TOX: variants seen among roughly 807,000 people sequenced by gnomAD.
The protein encoded by TOX is thymocyte selection associated high mobility group box, also known as thymocyte selection-associated high mobility group box protein TOX.
Under a neutral mutation model 53.7 loss-of-function variants are expected in TOX, and 11 were observed. The ratio of observed to expected loss-of-function variants is 0.20; its 90% confidence interval spans 0.13 to 0.34. The LOEUF (loss-of-function observed/expected upper bound fraction) is 0.34. Ranked by LOEUF, TOX falls within the 10% of genes least tolerant of loss-of-function variation. The pLI is 1.00. For missense variants in TOX, 570 were observed against 664.6 expected, an observed-to-expected ratio of 0.86 and a Z score of 1.56; for synonymous variants, 225 against 245.3, an observed-to-expected ratio of 0.92 and a Z score of 0.77.
In TOX at chr8:58,839,329, A is replaced by G. The variant is rs1810604382; in HGVS notation, c.694-1018T>C. Among the ~76,000 whole-genome samples the G allele has an allele frequency of 2.0e-5, 3 of 152,224 alleles. No homozygotes were observed. The South Asian group carries it at 6.2e-4, about 32-fold the overall frequency. ...AAATTTAAATAGCTACATATGACTAATGGCTACCATATCGGAGAGTGCACC... is the reference window on the plus strand; with the variant it reads ...AAATTTAAATAGCTACATATGACTAGTGGCTACCATATCGGAGAGTGCACC... On this transcript the variant is annotated intron_variant, in intron 4 of 8. Transcript: ENST00000361421.
intron 1 of TOX, among the ~76,000 whole-genome samples, chr8:59,001,012 T>C (rs542610211): frequency 6.6e-6 from 1 of 152,292 alleles, no homozygotes; most frequent in African/African-American, 2.4e-5. Flanking sequence ...TAATATGGAC[T>C]CATAAAAGAA....
At position 58,939,334 on chromosome 8, in the gene TOX, C is replaced by G; in HGVS notation, c.379G>C (p.Asp127His). 6.2e-7 allele frequency: 1 copy of G among 1,614,068 alleles called. No individual in the cohort carries two copies. Residue 127 changes from aspartate (D) to histidine (H), a missense_variant, in exon 3 of 9, where the codon GAT becomes CAT. Asp to His is a moderately conservative substitution (Grantham distance 81). This residue lies in a region of TOX where 282 missense variants were observed against 315.0 expected (regional missense o/e 0.90). Transcript: ENST00000361421. Reference sequence around the variant, plus strand: ...ATGGAATTAGAAAGCAGTGTTCCATCCTGGCCCAGCATATTGGAGACTGTG... The same window carrying G: ...ATGGAATTAGAAAGCAGTGTTCCATGCTGGCCCAGCATATTGGAGACTGTG... ...EITVSNMLGQ[D>H]GTLLSNSISV... is the part of the protein sequence containing the mutation.
chr8:59,103,335 AT>A (rs1804839822), intron 1 of TOX, among the ~76,000 whole-genome samples: 1 of 152,198 alleles, frequency 6.6e-6, no homozygotes, highest in African/African-American at 2.4e-5. Flanking sequence ...CCTCAACTCT[AT>A]TTTTTAATAA....
intron 1 of TOX, among the ~76,000 whole-genome samples, chr8:59,031,288 A>G (rs1814351194): frequency 1.3e-5 from 2 of 152,200 alleles, no homozygotes. Flanking sequence ...TACTTCATTG[A>G]GCTTGAAAAC....
At chr8:59,008,528 C>T (rs985294754) in intron 1 of TOX, among the ~76,000 whole-genome samples, 3 of 152,230 alleles carry the variant, frequency 2.0e-5, no homozygotes, top group Non-Finnish European at 2.9e-5. Context: ...TGGCAGGCCA[C>T]ACAGAGACTG....
chr8:59,052,136 T>G (rs1263019312), intron 1 of TOX, among the ~76,000 whole-genome samples: 3 of 152,220 alleles, frequency 2.0e-5, no homozygotes, highest in Non-Finnish European at 4.4e-5. Flanking sequence ...ACTTTTCTCT[T>G]ACCTACTTTT....
chr8:59,099,154 T>C (rs1563446220), intron 1 of TOX, among the ~76,000 whole-genome samples: 2 of 152,190 alleles, frequency 1.3e-5, no homozygotes, highest in African/African-American at 4.8e-5. Context: ...CCTCTTGATA[T>C]TGTGGAGTTT....
In TOX at chr8:59,051,546, T is replaced by C. The variant is rs1483194546; in HGVS notation, c.102+67340A>G. Among the ~76,000 whole-genome samples, 3 of 152,150 alleles carry C rather than the reference T, an allele frequency of 2.0e-5. No individual in the cohort carries two copies. The East Asian group carries it at 5.8e-4, about 29-fold the overall frequency. ...TCAATTATTCATCATCTAACATTTA[T>C]GGGAGTCTATTATATGAAAGACACC... On this transcript the variant is annotated intron_variant, in intron 1 of 8. Coordinates refer to ENST00000361421, the MANE Select transcript of TOX (RefSeq NM_014729.3).
intron 1 of TOX, among the ~76,000 whole-genome samples, chr8:59,037,798 T>C (rs549474488): frequency 9.3e-6 from 1 of 107,602 alleles, no homozygotes; most frequent in African/African-American, 5.5e-5. Flanking sequence ...CGAGACTCCA[T>C]CTCAAAAAAA....
chr8:59,043,224 T>TGTGTGC (rs752643590), intron 1 of TOX, among the ~76,000 whole-genome samples: 1 of 151,294 alleles, frequency 6.6e-6, no homozygotes, highest in South Asian at 2.1e-4. Context: ...TGTGTGTGTG[T>TGTGTGC]GCATCTGTGT....
At chr8:58,812,254 A>G (rs1044550960) in intron 7 of TOX, among the ~76,000 whole-genome samples, 14 of 151,982 alleles carry the variant, frequency 9.2e-5, no homozygotes, top group African/African-American at 3.1e-4. Flanking sequence ...TTTGATCCTG[A>G]TTTTAGGATT....
intron 3 of TOX, among the ~76,000 whole-genome samples, chr8:58,924,802 T>G (rs1482444027): frequency 6.6e-6 from 1 of 152,248 alleles, no homozygotes; most frequent in Non-Finnish European, 1.5e-5. Context: ...CCAGGGAGAT[T>G]TATTCCTATT....
intron 1 of TOX, among the ~76,000 whole-genome samples, chr8:59,019,980 C>A (rs1250877247): frequency 6.6e-6 from 1 of 152,154 alleles, no homozygotes; most frequent in African/African-American, 2.4e-5. Flanking sequence ...TATATACTTA[C>A]AACTGCATGG....
chr8:58,926,934 T>C (rs1351517355), intron 3 of TOX, among the ~76,000 whole-genome samples: 1 of 152,228 alleles, frequency 6.6e-6, no homozygotes, highest in African/African-American at 2.4e-5. Context: ...AGCTAATGTC[T>C]TTAACAAGTG....
At chr8:58,997,469 C>G (rs1262636339) in intron 1 of TOX, among the ~76,000 whole-genome samples, 2 of 152,172 alleles carry the variant, frequency 1.3e-5, no homozygotes, top group African/African-American at 4.8e-5. Context: ...TTTTCCTAGG[C>G]CTCAAGGCTT....
chr8:59,064,073 C>A (rs1416157265), intron 1 of TOX, among the ~76,000 whole-genome samples: 2 of 151,968 alleles, frequency 1.3e-5, no homozygotes, highest in Non-Finnish European at 2.9e-5. Context: ...TATTGAAGTG[C>A]TTGGGGTGGG....
At chr8:58,832,824 C>T (rs1350530577) in intron 5 of TOX, among the ~76,000 whole-genome samples, 3 of 152,174 alleles carry the variant, frequency 2.0e-5, no homozygotes, top group African/African-American at 7.2e-5. Flanking sequence ...AGGCGTCAAA[C>T]ATAGGAATAA....
At chr8:59,015,246 G>T (rs1813986478) in intron 1 of TOX, among the ~76,000 whole-genome samples, 1 of 152,176 alleles carries the variant, frequency 6.6e-6, no homozygotes, top group South Asian at 2.1e-4. Flanking sequence ...ATACGATTCA[G>T]CACGGGACAC....
intron 3 of TOX, among the ~76,000 whole-genome samples, chr8:58,893,359 T>C (rs1811590130): frequency 6.6e-6 from 1 of 152,210 alleles, no homozygotes; most frequent in Non-Finnish European, 1.5e-5. Flanking sequence ...AATAATCTTC[T>C]GAAATTATTA....
Sources: allele counts gnomAD v4.1 joint callset (sites outside exome capture counted in the v4.1 genomes callset), GRCh38; gene constraint gnomAD v4.1.1; regional missense constraint gnomAD v4.1.1; transcripts MANE v1.5; gene names NCBI Gene and HGNC (gene_info 2026-07-23, HGNC 2026-07-21).